STK33: variants seen among roughly 807,000 people sequenced by gnomAD.
The protein encoded by STK33 is serine/threonine kinase 33, also known as serine/threonine-protein kinase 33.
In STK33, 52 loss-of-function variants were observed where a neutral mutation model predicts 58.0. That is an observed-to-expected ratio of 0.90 (90% CI 0.72 to 1.13). The LOEUF (loss-of-function observed/expected upper bound fraction) is 1.13. STK33 is among the 50% of genes most tolerant of loss of function. The pLI is 0.00. For synonymous variants in STK33, 215 were observed against 200.1 expected, an observed-to-expected ratio of 1.07 and a Z score of -0.63; for missense variants, 630 against 604.2, an observed-to-expected ratio of 1.04 and a Z score of -0.45.
At chr11:8,433,431 T>C (rs1943650931) in intron 14 of STK33, among the ~76,000 whole-genome samples, 1 of 152,192 alleles carries the variant, frequency 6.6e-6, no homozygotes, top group Non-Finnish European at 1.5e-5. Flanking sequence ...TTTTCTTCCT[T>C]ATTTATCTTT....
intron 14 of STK33, among the ~76,000 whole-genome samples, chr11:8,423,499 G>C (rs1040074094): frequency 4.6e-5 from 7 of 151,982 alleles, no homozygotes; most frequent in African/African-American, 1.4e-4. Context: ...CTTATGAGTT[G>C]TTTAGAAGCA....
chr11:8,530,111 G>C (rs183315871), intron 1 of STK33, among the ~76,000 whole-genome samples: 5 of 152,310 alleles, frequency 3.3e-5, no homozygotes, highest in Non-Finnish European at 1.5e-5. Context: ...ACAAAGATGA[G>C]AATGTGGAGA....
At chr11:8,363,770 G>A in the STK33 span, among the ~76,000 whole-genome samples, 40 of 152,230 alleles carry the variant, frequency 2.6e-4, no homozygotes, top group African/African-American at 6.0e-4. Context: ...CGTTAAAAAC[G>A]GTTACTGTTA....
intron 1 of STK33, among the ~76,000 whole-genome samples, chr11:8,586,388 G>C (rs79184555): frequency 0.012 from 1,849 of 152,110 alleles, 37 homozygotes; most frequent in African/African-American, 0.042. Flanking sequence ...CTTTGAGTCT[G>C]CTGCTCCTTC....
In STK33 at chr11:8,392,642, G is replaced by C; in HGVS notation, c.1413C>G (p.Phe471Leu). The C allele has an allele frequency of 6.2e-7, 1 of 1,614,206 alleles. No homozygotes were observed. The highest frequency in any genetic ancestry group is 8.5e-7 in the Non-Finnish European group (1 of 1,180,044). The change falls in exon 16 of 16, where the codon TTC becomes TTG. Residue 471 changes from phenylalanine to leucine, a missense_variant. Coordinates refer to ENST00000687296, the MANE Select transcript of STK33 (RefSeq NM_001352389.2). ...KDNFDMCSSS[F>L]TSSKLLPAEI... is the part of the protein sequence containing the mutation. ...CAGCTGGAAGGAGTTTGCTAGATGT[G>C]AAACTTGAACTGCACATATCAAAGT...
intron 1 of STK33, among the ~76,000 whole-genome samples, chr11:8,546,630 T>C (rs1955936162): frequency 7.1e-6 from 1 of 141,444 alleles, no homozygotes; most frequent in South Asian, 2.6e-4. Context: ...ACCATCAGTC[T>C]ACTCTCTACT....
chr11:8,565,354 TGG>T (rs1957379122), intron 1 of STK33, among the ~76,000 whole-genome samples: 1 of 152,218 alleles, frequency 6.6e-6, no homozygotes, highest in South Asian at 2.1e-4. Flanking sequence ...GGTTTACCCA[TGG>T]GGTTAATTTC....
At chr11:8,354,472 C>CCACA in the STK33 span, among the ~76,000 whole-genome samples, 322 of 56,050 alleles carry the variant, frequency 5.7e-3, 4 homozygotes, top group African/African-American at 0.017. Flanking sequence ...GTCTGCAAAA[C>CCACA]CTCACACACA....
intron 15 of STK33, among the ~76,000 whole-genome samples, chr11:8,393,842 C>T (rs767269508): frequency 6.6e-6 from 1 of 152,104 alleles, no homozygotes; most frequent in Non-Finnish European, 1.5e-5. Context: ...CATGACTTTC[C>T]AGGGCTGCAA....
chr11:8,568,938 G>T (rs1002752296), intron 1 of STK33, among the ~76,000 whole-genome samples: 3 of 152,144 alleles, frequency 2.0e-5, no homozygotes, highest in African/African-American at 7.2e-5. Context: ...CCTAGGCAAA[G>T]ACCTAAGGAA....
chr11:8,574,577 C>T (rs1958047090), intron 1 of STK33, among the ~76,000 whole-genome samples: 1 of 152,224 alleles, frequency 6.6e-6, no homozygotes, highest in Middle Eastern at 3.4e-3. Flanking sequence ...CAATTCTATA[C>T]AAATTCATCC....
intron 1 of STK33, among the ~76,000 whole-genome samples, chr11:8,495,791 C>T (rs1326192826): frequency 6.6e-6 from 1 of 152,110 alleles, no homozygotes; most frequent in Non-Finnish European, 1.5e-5. Flanking sequence ...AGTTGATGTC[C>T]TTTGCAGGCA....
At chr11:8,386,625 C>G in the STK33 span, among the ~76,000 whole-genome samples, 2 of 152,212 alleles carry the variant, frequency 1.3e-5, no homozygotes, top group African/African-American at 4.8e-5. Context: ...GCAGACGTCT[C>G]CCGTCCTGCA....
chr11:8,518,710 G>C (rs1387313915), intron 1 of STK33, among the ~76,000 whole-genome samples: 1 of 152,138 alleles, frequency 6.6e-6, no homozygotes, highest in African/African-American at 2.4e-5. Context: ...TGATAAAACA[G>C]ACTTTAAACC....
At chr11:8,502,565 G>C (rs1951597033) in intron 1 of STK33, among the ~76,000 whole-genome samples, 1 of 151,984 alleles carries the variant, frequency 6.6e-6, no homozygotes, top group Admixed American at 6.6e-5. Context: ...CTATACATAG[G>C]AACTGGCAAA....
At chr11:8,432,632 T>C (rs1228933067) in intron 14 of STK33, among the ~76,000 whole-genome samples, 1 of 152,148 alleles carries the variant, frequency 6.6e-6, no homozygotes, top group African/African-American at 2.4e-5. Flanking sequence ...ATAGAAACTT[T>C]ATAGAAAAAT....
At chr11:8,431,665 T>G (rs1943443167) in intron 14 of STK33, among the ~76,000 whole-genome samples, 1 of 152,204 alleles carries the variant, frequency 6.6e-6, no homozygotes, top group African/African-American at 2.4e-5. Context: ...GTGATTGATG[T>G]CCTATTTAAA....
At chr11:8,499,041 A>G (rs1301193505) in intron 1 of STK33, among the ~76,000 whole-genome samples, 2 of 152,252 alleles carry the variant, frequency 1.3e-5, no homozygotes, top group Non-Finnish European at 2.9e-5. Context: ...TCATGACTAA[A>G]ACACCAAAAG....
chr11:8,450,346 A>G (rs1311234222), intron 11 of STK33, among the ~76,000 whole-genome samples: 3 of 152,110 alleles, frequency 2.0e-5, no homozygotes, highest in African/African-American at 7.2e-5. Flanking sequence ...TATAAGTGGG[A>G]GTTGAACAAT....
Sources: allele counts gnomAD v4.1 joint callset (sites outside exome capture counted in the v4.1 genomes callset), GRCh38; gene constraint gnomAD v4.1.1; transcripts MANE v1.5; gene names NCBI Gene and HGNC (gene_info 2026-07-23, HGNC 2026-07-21).